ADGRB3: variants seen among roughly 807,000 people sequenced by gnomAD.
ADGRB3 encodes the protein adhesion G protein-coupled receptor B3.
A neutral mutation model predicts 193.4 loss-of-function variants in ADGRB3; 37 were observed. That is an observed-to-expected ratio of 0.19 (90% CI 0.15 to 0.25). The LOEUF is 0.25. Ranked by LOEUF, ADGRB3 falls within the 10% of genes least tolerant of loss-of-function variation. ADGRB3 has a pLI of 1.00. For synonymous variants in ADGRB3, 690 were observed against 644.2 expected, an observed-to-expected ratio of 1.07 and a Z score of -1.08; for missense variants, 1,637 against 1,852.9, an observed-to-expected ratio of 0.88 and a Z score of 2.14.
chr6:68,833,711 GA>G (rs763224082), intron 3 of ADGRB3, among the ~76,000 whole-genome samples: 1 of 151,494 alleles, frequency 6.6e-6, no homozygotes, highest in Non-Finnish European at 1.5e-5. Context: ...GTTTAAAATA[GA>G]AAAAAGTTGC....
At position 69,138,291 on chromosome 6, in the gene ADGRB3, C is replaced by T. The variant is rs180706010; in HGVS notation, c.2480+62253C>T. Among the ~76,000 whole-genome samples, 14 of 152,296 alleles carry T rather than the reference C, an allele frequency of 9.2e-5. No individual in the cohort carries two copies. The East Asian group carries it at 2.3e-3, about 25-fold the overall frequency. Reference sequence around the variant, plus strand: ...GTTGTAGGAAGACACTAGCTACAGGCAGTGTGTGGTTAACTATTTCAGGGT... The same window carrying T: ...GTTGTAGGAAGACACTAGCTACAGGTAGTGTGTGGTTAACTATTTCAGGGT... On this transcript the variant is annotated intron_variant, in intron 17 of 31. Transcript: ENST00000370598.
At position 68,719,354 on chromosome 6, in the gene ADGRB3, T is replaced by C. The variant is rs895312584; in HGVS notation, c.757+79922T>C. ...ACTAGTGTGACCGAATAATTGAATGTTAACTTTATTGAATTTTAATTAATA... is the reference window on the plus strand; with the variant it reads ...ACTAGTGTGACCGAATAATTGAATGCTAACTTTATTGAATTTTAATTAATA... On this transcript the variant is annotated intron_variant, in intron 3 of 31. Coordinates refer to ENST00000370598, the MANE Select transcript of ADGRB3 (RefSeq NM_001704.3). 4.6e-5 allele frequency among the ~76,000 whole-genome samples: 7 copies of C among 151,896 alleles called. No individual in the cohort carries two copies. The East Asian group carries it at 1.4e-3, about 30-fold the overall frequency.
chr6:69,181,101 A>G (rs1297526891), intron 17 of ADGRB3, among the ~76,000 whole-genome samples: 1 of 152,082 alleles, frequency 6.6e-6, no homozygotes, highest in African/African-American at 2.4e-5. Flanking sequence ...CTGGGGCTTC[A>G]CTCACTTTTA....
chr6:68,697,460 T>C lies in ADGRB3; in HGVS notation c.757+58028T>C, dbSNP rs557083727. 4.6e-5 allele frequency among the ~76,000 whole-genome samples: 7 copies of C among 152,134 alleles called. No individual in the cohort carries two copies. In the South Asian group the frequency reaches 1.4e-3, roughly 31 times the overall value. ...AAATACATGGAATGCCTTTTTGTGC[T>C]GGATTTCTTTGTTCTCTCTTCTATT... On this transcript the variant is annotated intron_variant, in intron 3 of 31. Transcript: ENST00000370598.
chr6:68,806,736 A>C (rs889559739), intron 3 of ADGRB3, among the ~76,000 whole-genome samples: 8 of 151,672 alleles, frequency 5.3e-5, no homozygotes, highest in Non-Finnish European at 8.8e-5. Flanking sequence ...TATATATGAC[A>C]CTCTTCTTAA....
At chr6:69,000,677 G>T (rs150142615) in intron 11 of ADGRB3, among the ~76,000 whole-genome samples, 154 of 152,230 alleles carry the variant, frequency 1.0e-3, no homozygotes, top group Non-Finnish European at 1.8e-3. Context: ...AAAACAAAAA[G>T]GCAGAACATC....
Position 69,104,900 on chromosome 6 carries a change from G to T in ADGRB3, c.2480+28862G>T, listed in dbSNP as rs185747413. Among the ~76,000 whole-genome samples, 49 of 152,186 alleles carry T rather than the reference G, an allele frequency of 3.2e-4. No individual in the cohort carries two copies. The East Asian group carries it at 6.0e-3, about 19-fold the overall frequency. ...ATCATCTGTTCATTTTCATCCAAAA[G>T]ATATTTTTCTTGTGATTGGGAGACA... On this transcript the variant is annotated intron_variant, in intron 17 of 31. Coordinates refer to ENST00000370598, the MANE Select transcript of ADGRB3 (RefSeq NM_001704.3).
intron 20 of ADGRB3, among the ~76,000 whole-genome samples, chr6:69,286,643 T>C (rs1336331101): frequency 6.6e-6 from 1 of 152,126 alleles, no homozygotes; most frequent in African/African-American, 2.4e-5. Flanking sequence ...AAATATTAGA[T>C]CAGGGAGAAA....
At chr6:68,866,659 T>G (rs1765304596) in intron 3 of ADGRB3, among the ~76,000 whole-genome samples, 1 of 152,150 alleles carries the variant, frequency 6.6e-6, no homozygotes, top group Admixed American at 6.5e-5. Flanking sequence ...TGTTGAATGG[T>G]TTTGACCAAA....
In ADGRB3 at chr6:68,775,841, C is replaced by A. The variant is rs554927299; in HGVS notation, c.757+136409C>A. 1.1e-4 allele frequency among the ~76,000 whole-genome samples: 16 copies of A among 152,184 alleles called. No homozygotes were observed. The East Asian group carries it at 2.7e-3, about 26-fold the overall frequency. On this transcript the variant is annotated intron_variant, in intron 3 of 31. Coordinates refer to ENST00000370598, the MANE Select transcript of ADGRB3 (RefSeq NM_001704.3). The stretch of plus-strand genomic sequence containing the variant: ...GGCTGCCAAAAGTATTTTTCTTTTT[C>A]TTTGTCTTTTTTGGTTCTTTCTTTT...
intron 23 of ADGRB3, chr6:69,332,136 A>G (rs1265909838): frequency 4.1e-6 from 4 of 985,392 alleles, no homozygotes; most frequent in Non-Finnish European, 4.8e-6. Flanking sequence ...GTGTTGGTAG[A>G]TTAGAGAACT....
intron 3 of ADGRB3, among the ~76,000 whole-genome samples, chr6:68,839,312 A>G (rs74611471): frequency 0.033 from 5,061 of 152,282 alleles, 271 homozygotes; most frequent in African/African-American, 0.11. Flanking sequence ...GTGTTGTAAT[A>G]TATTTTAATC....
At chr6:68,700,810 G>A (rs1370222034) in intron 3 of ADGRB3, among the ~76,000 whole-genome samples, 3 of 136,876 alleles carry the variant, frequency 2.2e-5, no homozygotes, top group Non-Finnish European at 3.1e-5. Flanking sequence ...ATCACACACC[G>A]GGGCCTGTCG....
At chr6:68,785,845 C>T (rs1766956845) in intron 3 of ADGRB3, among the ~76,000 whole-genome samples, 1 of 152,130 alleles carries the variant, frequency 6.6e-6, no homozygotes. Flanking sequence ...TAATGATCGC[C>T]ATTCTAACTG....
chr6:68,841,410 G>A (rs1036596028), intron 3 of ADGRB3, among the ~76,000 whole-genome samples: 2 of 151,972 alleles, frequency 1.3e-5, no homozygotes, highest in Non-Finnish European at 2.9e-5. Flanking sequence ...ACCTTCTCTG[G>A]CCACAATGGA....
At chr6:68,879,954 A>G (rs1765690499) in intron 3 of ADGRB3, among the ~76,000 whole-genome samples, 1 of 152,250 alleles carries the variant, frequency 6.6e-6, no homozygotes, top group African/African-American at 2.4e-5. Flanking sequence ...ACTTTAACCC[A>G]GACCAATTGC....
chr6:68,997,934 T>C (rs1769438199), intron 11 of ADGRB3, among the ~76,000 whole-genome samples: 1 of 152,158 alleles, frequency 6.6e-6, no homozygotes, highest in Admixed American at 6.5e-5. Flanking sequence ...TGTTCAGTAA[T>C]AGTAATTCAG....
At chr6:68,753,623 G>A (rs13205909) in intron 3 of ADGRB3, among the ~76,000 whole-genome samples, 14,750 of 152,112 alleles carry the variant, frequency 0.097, 889 homozygotes, top group Middle Eastern at 0.15. Context: ...ATAGAGAGGG[G>A]CAAGTAACGG....
intron 3 of ADGRB3, among the ~76,000 whole-genome samples, chr6:68,749,976 A>C (rs1766164417): frequency 6.6e-6 from 1 of 152,144 alleles, no homozygotes; most frequent in South Asian, 2.1e-4. Context: ...CCCACGTGTA[A>C]CCTCTCTATG....
Sources: gnomAD v4.1 joint callset for allele counts (sites outside exome capture counted in the v4.1 genomes callset) on GRCh38, gnomAD v4.1.1 for gene constraint, MANE v1.5 for transcripts, NCBI Gene and HGNC (gene_info 2026-07-23, HGNC 2026-07-21) for gene names.